CORO2A: variants seen among roughly 807,000 people sequenced by gnomAD.
The protein encoded by CORO2A is coronin 2A.
A neutral mutation model predicts 62.4 loss-of-function variants in CORO2A; 47 were observed. The observed-to-expected ratio is 0.75, with a 90% CI of 0.60 to 0.96. The LOEUF (loss-of-function observed/expected upper bound fraction) is 0.96, where lower values mean the gene tolerates loss of function less well. Ranked by LOEUF, CORO2A falls within the 40% of genes least tolerant of loss-of-function variation. CORO2A has a pLI of 0.00. For synonymous variants in CORO2A, 273 were observed against 268.9 expected, an observed-to-expected ratio of 1.02 and a Z score of -0.15; for missense variants, 610 against 684.1, an observed-to-expected ratio of 0.89 and a Z score of 1.21.
chr9:98,128,977 G>A (rs1331530617), intron 8 of CORO2A, among the ~76,000 whole-genome samples: 2 of 152,208 alleles, frequency 1.3e-5, no homozygotes, highest in African/African-American at 2.4e-5. Context: ...CTGTTGCCCA[G>A]GCTGGAGTGC....
chr9:98,128,393 G>A, intron 9 of CORO2A, 133 bp from the exon 10 acceptor site: 1 of 838,266 alleles, frequency 1.2e-6, no homozygotes, highest in Non-Finnish European at 1.9e-6. Flanking sequence ...GAGAACAAAG[G>A]GACTTGCCCG....
chr9:98,135,921 T>A (rs1827480880), intron 3 of CORO2A, among the ~76,000 whole-genome samples: 1 of 152,056 alleles, frequency 6.6e-6, no homozygotes, highest in Admixed American at 6.5e-5. Flanking sequence ...TGAAGAGGTA[T>A]GTTTGGAAGA....
chr9:98,150,132 C>T (rs1009452567), intron 2 of CORO2A, among the ~76,000 whole-genome samples: 4 of 152,204 alleles, frequency 2.6e-5, no homozygotes, highest in East Asian at 1.9e-4. Flanking sequence ...AGGGTTTCAC[C>T]ATGTTGGCCA....
At chr9:98,168,008 C>T (rs1007649962) in intron 1 of CORO2A, among the ~76,000 whole-genome samples, 1 of 152,316 alleles carries the variant, frequency 6.6e-6, no homozygotes, top group Non-Finnish European at 1.5e-5. Flanking sequence ...CAGGAGAGCA[C>T]AGAGGTGGCC....
chr9:98,170,744 A>T (rs1456293954), intron 1 of CORO2A, among the ~76,000 whole-genome samples: 2 of 152,182 alleles, frequency 1.3e-5, no homozygotes, highest in Non-Finnish European at 2.9e-5. Flanking sequence ...AGCCTGGCCG[A>T]GAATCCTAAT....
intron 1 of CORO2A, among the ~76,000 whole-genome samples, chr9:98,176,469 G>C (rs1828110432): frequency 6.6e-6 from 1 of 152,158 alleles, no homozygotes; most frequent in Non-Finnish European, 1.5e-5. Context: ...CTACTGAACA[G>C]AAATCTACAA....
chr9:98,128,509 G>A, intron 9 of CORO2A, 98 bp downstream of exon 9: 2 of 1,091,952 alleles, frequency 1.8e-6, no homozygotes, highest in Admixed American at 1.9e-5. Flanking sequence ...GCTGCCCCAT[G>A]AACGTGGGCT....
chr9:98,175,046 C>T lies in CORO2A; in HGVS notation c.1-17386G>A, dbSNP rs75919093. ...GCTTTCCTGAACTCCCTGGCAGCTA[C>T]ATCTCTGCTTCCATGTTGATTTCCA... On this transcript the variant is annotated intron_variant, in intron 1 of 11. Transcript: ENST00000375077. 1.3e-4 allele frequency among the ~76,000 whole-genome samples: 20 copies of T among 152,342 alleles called. No individual in the cohort carries two copies. The East Asian group carries it at 3.7e-3, about 28-fold the overall frequency.
rs760280049 is a variant in CORO2A, at chr9:98,126,615, C to T, written c.1380G>A (p.Glu460=). ...AGCCATTTGTCAGCCAGGTTTTCTT[C>T]TCCTCCAGCCTGTGTTCTGCTGCCC... ...PRWAAEHRLE[E]KKTWLTNGFD... Residue 460 remains glutamate (E), a synonymous_variant, in exon 11 of 12, where the codon GAG becomes GAA. Transcript: ENST00000375077. 1 of 1,614,152 alleles carries T rather than the reference C, an allele frequency of 6.2e-7. No homozygotes were observed. The highest frequency in any genetic ancestry group is 1.1e-5 in the South Asian group (1 of 91,082).
At chr9:98,150,790 G>A (rs927989620) in intron 2 of CORO2A, among the ~76,000 whole-genome samples, 3 of 152,098 alleles carry the variant, frequency 2.0e-5, no homozygotes, top group African/African-American at 7.2e-5. Context: ...TAGCAAAATC[G>A]GCCATCTATA....
At chr9:98,157,323 G>C in intron 2 of CORO2A, 137 bp downstream of exon 2, 1 of 769,184 alleles carries the variant, frequency 1.3e-6, no homozygotes, top group Non-Finnish European at 2.1e-6. Context: ...AAGGCTCAAA[G>C]AGATGAAATG....
chr9:98,140,879 G>T (rs1268679590), intron 2 of CORO2A, among the ~76,000 whole-genome samples: 2 of 152,188 alleles, frequency 1.3e-5, no homozygotes, highest in African/African-American at 4.8e-5. Context: ...ATCCCCTACT[G>T]GAGGGGACAA....
intron 1 of CORO2A, among the ~76,000 whole-genome samples, chr9:98,192,060 T>A (rs1828311431): frequency 6.6e-6 from 1 of 152,158 alleles, no homozygotes; most frequent in African/African-American, 2.4e-5. Flanking sequence ...CCAGGCCGGC[T>A]TGGCGGGGAC....
intron 2 of CORO2A, among the ~76,000 whole-genome samples, chr9:98,156,872 C>T (rs1382780582): frequency 6.6e-6 from 1 of 152,192 alleles, no homozygotes; most frequent in Non-Finnish European, 1.5e-5. Context: ...TGGGATCCCT[C>T]TAGCCCCTTC....
chr9:98,124,006 GTTTC>G lies in CORO2A; in HGVS notation c.*764_*767del, dbSNP rs1209955183. On this transcript the variant is annotated 3_prime_UTR_variant, in exon 12 of 12. Coordinates refer to ENST00000375077, the MANE Select transcript of CORO2A (RefSeq NM_052820.4). ...GGGTTTCACCATGTTGGCCAGGCTG[GTTTC>G]TTTCTTTTTTTTTTTTTTTTGAGAC... The G allele has an allele frequency of 2.8e-5, 4 of 144,758 alleles. No individual in the cohort carries two copies. Among genetic ancestry groups the G allele is most frequent in the East Asian group, 2.0e-4 (1 of 5,064 alleles). 9.0% of individuals were successfully genotyped at this position (144,758 alleles called of 1,614,324 possible). A position where few individuals can be genotyped will look rare whatever the true frequency, so the allele number is the denominator to read the frequency against.
At chr9:98,126,477 T>G in intron 11 of CORO2A, 72 bp downstream of exon 11, 9 of 1,541,896 alleles carry the variant, frequency 5.8e-6, no homozygotes, top group Non-Finnish European at 7.0e-6. Context: ...TTCTCCCTTC[T>G]TCTCAGCCTG....
chr9:98,144,990 A>G (rs1475720223), intron 2 of CORO2A, among the ~76,000 whole-genome samples: 2 of 152,158 alleles, frequency 1.3e-5, no homozygotes, highest in Non-Finnish European at 2.9e-5. Context: ...GAGCAGAGGG[A>G]GAGATGAGAG....
At chr9:98,183,316 C>G (rs1431481945) in intron 1 of CORO2A, among the ~76,000 whole-genome samples, 1 of 152,180 alleles carries the variant, frequency 6.6e-6, no homozygotes, top group East Asian at 1.9e-4. Flanking sequence ...GAAAAGAGTC[C>G]TAGTTCCCAC....
At chr9:98,190,799 G>T (rs1564223633) in intron 1 of CORO2A, among the ~76,000 whole-genome samples, 1 of 152,228 alleles carries the variant, frequency 6.6e-6, no homozygotes, top group Non-Finnish European at 1.5e-5. Context: ...GACCCAGGTA[G>T]CACTTAAGCC....
Sources: gnomAD v4.1 joint callset for allele counts (sites outside exome capture counted in the v4.1 genomes callset) on GRCh38, gnomAD v4.1.1 for gene constraint, MANE v1.5 for transcripts, NCBI Gene and HGNC (gene_info 2026-07-23, HGNC 2026-07-21) for gene names.